The following AP3S2 variants were observed in gnomAD, a reference collection of about 807,000 sequenced individuals.
AP3S2 encodes AP-3 complex subunit sigma-2.
A neutral mutation model predicts 23.4 loss-of-function variants in AP3S2; 22 were observed. That is an observed-to-expected ratio of 0.94 (90% confidence interval 0.67 to 1.34). AP3S2 has a LOEUF of 1.34. AP3S2 is among the 40% of genes most tolerant of loss of function. AP3S2 has a pLI of 0.00. For missense variants in AP3S2, 241 were observed against 236.9 expected (o/e 1.02, Z -0.11); for synonymous variants, 86 against 87.1 (o/e 0.99, Z 0.07).
At chr15:89,888,380 C>G in intron 3 of AP3S2, 141 bp downstream of exon 3, 1 of 707,060 alleles carries the variant, frequency 1.4e-6, no homozygotes, top group Middle Eastern at 3.0e-4. Context: ...CAGGAGCTCT[C>G]CCAGAGCACC....
chr15:89,851,432 G>A (rs2141851266), intron 4 of AP3S2, among the ~76,000 whole-genome samples: 1 of 152,024 alleles, frequency 6.6e-6, no homozygotes, highest in South Asian at 2.1e-4. Flanking sequence ...TCCGCCTCCT[G>A]CGTTCAAGCA....
chr15:89,888,782 G>T, intron 2 of AP3S2, 150 bp from the exon 3 acceptor site: 1 of 928,934 alleles, frequency 1.1e-6, no homozygotes, highest in Non-Finnish European at 1.6e-6. Flanking sequence ...TGGCAACCAA[G>T]TTTGGCAGAG....
chr15:89,888,838 C>T (rs777244370), intron 2 of AP3S2, among the ~76,000 whole-genome samples: 2 of 152,124 alleles, frequency 1.3e-5, no homozygotes, highest in South Asian at 2.1e-4. Flanking sequence ...CCTATCCTCC[C>T]GGGGATCAAT....
intron 1 of AP3S2, among the ~76,000 whole-genome samples, chr15:89,892,117 T>C (rs1896834105): frequency 6.6e-6 from 1 of 152,134 alleles, no homozygotes; most frequent in African/African-American, 2.4e-5. Context: ...ACATGAAACA[T>C]GGCAGACACA....
chr15:89,858,859 A>C (rs1324525811), intron 4 of AP3S2, among the ~76,000 whole-genome samples: 1 of 152,212 alleles, frequency 6.6e-6, no homozygotes, highest in Non-Finnish European at 1.5e-5. Flanking sequence ...TATTCTACTA[A>C]CCAGTAATAA....
chr15:89,851,059 A>T (rs16943653), intron 4 of AP3S2, among the ~76,000 whole-genome samples: 2,354 of 152,314 alleles, frequency 0.015, 70 homozygotes, highest in African/African-American at 0.053. Flanking sequence ...TATGCTTAAC[A>T]TCACAGATTG....
chr15:89,862,505 A>G (rs1262161739), intron 4 of AP3S2, among the ~76,000 whole-genome samples: 2 of 152,198 alleles, frequency 1.3e-5, no homozygotes, highest in Non-Finnish European at 2.9e-5. Flanking sequence ...AAAAGTATAT[A>G]TGTATATAGA....
intron 2 of AP3S2, 55 bp downstream of exon 2, chr15:89,888,994 A>G: frequency 6.2e-7 from 1 of 1,602,624 alleles, no homozygotes; most frequent in South Asian, 1.1e-5. Flanking sequence ...AGATGCAATA[A>G]TGAAGGCCAC....
intron 4 of AP3S2, among the ~76,000 whole-genome samples, chr15:89,849,604 T>C (rs1404035755): frequency 6.6e-6 from 1 of 152,148 alleles, no homozygotes; most frequent in Non-Finnish European, 1.5e-5. Context: ...CCTGACCTAG[T>C]GATCTGCCCA....
chr15:89,850,905 G>C (rs1037517977), intron 4 of AP3S2, among the ~76,000 whole-genome samples: 12 of 152,020 alleles, frequency 7.9e-5, no homozygotes, highest in African/African-American at 2.9e-4. Flanking sequence ...TGTAGAGACA[G>C]GGTTTCACCA....
At chr15:89,867,981 G>A (rs1221416220) in intron 4 of AP3S2, among the ~76,000 whole-genome samples, 1 of 147,094 alleles carries the variant, frequency 6.8e-6, no homozygotes, top group Non-Finnish European at 1.5e-5. Flanking sequence ...CCATCCGGGA[G>A]GGAGGTGGGG....
At chr15:89,885,798 AGATG>A (rs1896685224) in intron 3 of AP3S2, among the ~76,000 whole-genome samples, 1 of 151,934 alleles carries the variant, frequency 6.6e-6, no homozygotes, top group Non-Finnish European at 1.5e-5. Flanking sequence ...AAAATTAGCC[AGATG>A]TGGTGACGCA....
intron 4 of AP3S2, among the ~76,000 whole-genome samples, chr15:89,838,866 A>G (rs1369242722): frequency 1.3e-5 from 2 of 152,126 alleles, no homozygotes; most frequent in East Asian, 3.9e-4. Context: ...ATGGGCAGGT[A>G]TGGGGAGCTC....
intron 4 of AP3S2, among the ~76,000 whole-genome samples, chr15:89,840,228 A>G (rs1428019658): frequency 6.6e-6 from 1 of 152,228 alleles, no homozygotes; most frequent in African/African-American, 2.4e-5. Context: ...TACATATTTT[A>G]CCACAATTTA....
At chr15:89,878,329 A>G in intron 3 of AP3S2, 1 of 625,438 alleles carries the variant, frequency 1.6e-6, no homozygotes, top group African/African-American at 1.9e-5. Context: ...CCAATGGAGT[A>G]GGAGAAAATA....
intron 5 of AP3S2, among the ~76,000 whole-genome samples, chr15:89,835,942 C>T (rs529216885): frequency 1.3e-5 from 2 of 152,148 alleles, no homozygotes; most frequent in South Asian, 2.1e-4. Flanking sequence ...GCAGGAAAAT[C>T]GCTTGAACTC....
At position 89,834,336 on chromosome 15, in the gene AP3S2, G is replaced by C. The variant is rs542755948; in HGVS notation, c.*1179C>G. 6.6e-6 allele frequency: 1 copy of C among 152,340 alleles called. No individual in the cohort carries two copies. The highest frequency in any genetic ancestry group is 2.1e-4 in the South Asian group (1 of 4,832). 9.4% of individuals were successfully genotyped at this position (152,340 alleles called of 1,614,324 possible). A position where few individuals can be genotyped will look rare whatever the true frequency, so the allele number is the denominator to read the frequency against. On this transcript the variant is annotated 3_prime_UTR_variant, in exon 6 of 6. Coordinates refer to ENST00000336418, the MANE Select transcript of AP3S2 (RefSeq NM_005829.5). ...CATGAGGAGAATGTATTTTAAACTT[G>C]GGAAGAGTCATAATTCTGGGATGTT...
At chr15:89,850,742 T>C (rs2141850373) in intron 4 of AP3S2, 1 of 152,280 alleles carries the variant, frequency 6.6e-6, no homozygotes, top group African/African-American at 2.4e-5. Context: ...GACAGGGTCT[T>C]GCTCTGTCAC....
chr15:89,870,102 T>G (rs1271706132), intron 4 of AP3S2, among the ~76,000 whole-genome samples: 1 of 152,060 alleles, frequency 6.6e-6, no homozygotes, highest in South Asian at 2.1e-4. Flanking sequence ...ACCTCTCCAT[T>G]CCCCCTATAT....
Sources: allele counts gnomAD v4.1 joint callset (sites outside exome capture counted in the v4.1 genomes callset), GRCh38; gene constraint gnomAD v4.1.1; transcripts MANE v1.5; gene names NCBI Gene and HGNC (gene_info 2026-07-23, HGNC 2026-07-21).